MORN1: variants seen among roughly 807,000 people sequenced by gnomAD.
MORN1 encodes the protein MORN repeat-containing protein 1.
In MORN1, 67 loss-of-function variants were observed where a neutral mutation model predicts 61.9. The ratio of observed to expected loss-of-function variants is 1.08; its 90% CI spans 0.89 to 1.33. The LOEUF (loss-of-function observed/expected upper bound fraction) is 1.33, where lower values mean the gene tolerates loss of function less well. MORN1 is among the 40% of genes most tolerant of loss of function. The pLI is 0.00. For missense variants in MORN1, 752 were observed against 691.2 expected (o/e 1.09, Z -0.99); for synonymous variants, 301 against 292.0 (o/e 1.03, Z -0.31).
intron 13 of MORN1, chr1:2,322,289 G>T (rs1010823400): frequency 2.2e-5 from 22 of 985,336 alleles, no homozygotes; most frequent in African/African-American, 1.6e-4. Flanking sequence ...GCCTGCCGGG[G>T]CTGGCACCGG....
At chr1:2,351,854 G>A (rs532859520) in intron 10 of MORN1, 43 of 508,030 alleles carry the variant, frequency 8.5e-5, no homozygotes, top group Middle Eastern at 8.6e-4. Context: ...TCTTGCCCAC[G>A]GTCACGACTG....
chr1:2,331,906 C>T (rs1051288585), intron 12 of MORN1, among the ~76,000 whole-genome samples: 2 of 120,968 alleles, frequency 1.7e-5, no homozygotes, highest in African/African-American at 3.3e-5. Flanking sequence ...CTCCCTCGTG[C>T]GCCTCTCCCG....
chr1:2,377,327 C>G (rs546850698), intron 6 of MORN1: 2 of 152,304 alleles, frequency 1.3e-5, no homozygotes, highest in Non-Finnish European at 2.9e-5. Flanking sequence ...CCCCCTCGGT[C>G]ACAAAGGCGA....
Position 2,322,065 on chromosome 1 carries a change from G to A in MORN1, c.1298-486C>T, listed in dbSNP as rs1213584334. On this transcript the variant is annotated intron_variant, in intron 13 of 13. Transcript: ENST00000378531. ...GTGTCTGGTTTGCTTTTGAAGCCCC[G>A]CCCTGGCCCCTTCCCCACACCCGCG... 5.1e-6 allele frequency: 5 copies of A among 985,202 alleles called. No individual in the cohort carries two copies. In the African/African-American group the frequency reaches 7.0e-5, roughly 14 times the overall value. The allele number at this position is 985,202 out of a possible 1,614,324, so 61.0% of individuals were successfully genotyped here.
At chr1:2,378,912 T>C (rs764315182) in intron 6 of MORN1, 11 of 456,702 alleles carry the variant, frequency 2.4e-5, no homozygotes, top group Admixed American at 9.4e-5. Flanking sequence ...GCCGCGTGGC[T>C]CCTGTCCCTG....
intron 8 of MORN1, among the ~76,000 whole-genome samples, chr1:2,361,630 A>G (rs78147580): frequency 0.063 from 9,557 of 152,210 alleles, 1,007 homozygotes; most frequent in African/African-American, 0.22. Flanking sequence ...ATTATAATGT[A>G]TGAGATAAAA....
At chr1:2,355,364 C>G in intron 10 of MORN1, 1 of 1,533,894 alleles carries the variant, frequency 6.5e-7, no homozygotes. Flanking sequence ...ACCTGGGATG[C>G]CTGCATGCTC....
At chr1:2,362,167 G>A (rs1190532268) in intron 8 of MORN1, among the ~76,000 whole-genome samples, 1 of 152,222 alleles carries the variant, frequency 6.6e-6, no homozygotes, top group Non-Finnish European at 1.5e-5. Context: ...GGGAGGTGGA[G>A]GTTGCAATGA....
intron 10 of MORN1, chr1:2,352,175 T>C (rs945250409): frequency 1.1e-5 from 3 of 262,426 alleles, no homozygotes; most frequent in Non-Finnish European, 2.2e-5. Flanking sequence ...TAATAATAAA[T>C]GTATAGAGCA....
At position 2,337,701 on chromosome 1, in the gene MORN1, G is replaced by A. The variant is rs1204253896; in HGVS notation, c.1037-851C>T. ...AGCAGCTCGGAGCTGTCCTGACACC[G>A]CTGCCCCGAGGGCCCCCCACTTGCA... On this transcript the variant is annotated intron_variant, in intron 10 of 13. Transcript: ENST00000378531. The surrounding 1 kb of genome is among the most constrained non-coding windows in gnomAD (Gnocchi z 5.7). Among the ~76,000 whole-genome samples, 1 of 152,174 alleles carries A rather than the reference G, an allele frequency of 6.6e-6. No individual in the cohort carries two copies. Among genetic ancestry groups the A allele is most frequent in the African/African-American group, 2.4e-5 (1 of 41,430 alleles).
intron 6 of MORN1, chr1:2,378,916 G>A (rs1378390723): frequency 2.2e-6 from 1 of 457,042 alleles, no homozygotes; most frequent in Admixed American, 2.3e-5. Context: ...CGTGGCTCCT[G>A]TCCCTGTGGA....
intron 13 of MORN1, chr1:2,322,754 C>T (rs919919965): frequency 1.0e-6 from 1 of 985,460 alleles, no homozygotes; most frequent in Non-Finnish European, 1.2e-6. Context: ...CCAGTGGTGG[C>T]CAAGGCGCTG....
intron 10 of MORN1, among the ~76,000 whole-genome samples, chr1:2,347,617 G>A (rs1444216848): frequency 6.6e-6 from 1 of 152,168 alleles, no homozygotes; most frequent in African/African-American, 2.4e-5. Context: ...CCATAGTCTC[G>A]GTGCAGGGGG....
chr1:2,325,102 C>T (rs1188594127), intron 12 of MORN1, among the ~76,000 whole-genome samples: 3 of 66,396 alleles, frequency 4.5e-5, no homozygotes, highest in African/African-American at 7.7e-5. Flanking sequence ...TCTTTCTCTC[C>T]CCTTTCCTTC....
At position 2,340,478 on chromosome 1, in the gene MORN1, C is replaced by A. The variant is rs539495748; in HGVS notation, c.1037-3628G>T. ...ACCCCTCCACCCACACAAGTCTCCC[C>A]AAACTTCTCGGATCCTCCTTGTGGG... On this transcript the variant is annotated intron_variant, in intron 10 of 13. Coordinates refer to ENST00000378531, the MANE Select transcript of MORN1 (RefSeq NM_024848.3). Among the ~76,000 whole-genome samples, 6 of 152,292 alleles carry A rather than the reference C, an allele frequency of 3.9e-5. No homozygotes were observed. In the East Asian group the frequency reaches 1.2e-3, roughly 29 times the overall value.
At chr1:2,374,748 A>C in intron 6 of MORN1, 191 bp from the exon 7 acceptor site, 1 of 554,826 alleles carries the variant, frequency 1.8e-6, no homozygotes, top group Non-Finnish European at 3.2e-6. Context: ...AATGCAATCC[A>C]ATTTGCTTTG....
intron 13 of MORN1, chr1:2,323,717 C>T (rs561065062): frequency 6.5e-5 from 64 of 985,256 alleles, no homozygotes; most frequent in East Asian, 1.1e-4. Flanking sequence ...TGCAGCCGGC[C>T]TTGCTGGGGA....
chr1:2,352,009 C>T (rs961345778), intron 10 of MORN1: 9 of 527,188 alleles, frequency 1.7e-5, no homozygotes, highest in Middle Eastern at 3.1e-4. Context: ...CCCCCTCCAC[C>T]AGGAATTAGA....
chr1:2,372,495 C>T lies in MORN1; in HGVS notation c.731G>A (p.Gly244Glu). 2 of 1,613,346 alleles carry T rather than the reference C, an allele frequency of 1.2e-6. No homozygotes were observed. Among genetic ancestry groups the T allele is most frequent in the East Asian group, 2.2e-5 (1 of 44,874 alleles). Residue 244 changes from glycine to glutamate, a missense_variant, in exon 8 of 14, where the codon GGG (glycine) becomes GAG (glutamate). Transcript: ENST00000378531. This position sits in a 1 kb window ranked among gnomAD's most constrained non-coding sequence, Gnocchi z 5.4. ...SVNVQLLQDH[G>E]EIAKSESGRV... ...GAGATGCTTACTCTTGGCAATTTCC[C>T]CGTGGTCCTGCAGCAGCTGAACGTT... is the stretch of plus-strand genomic sequence containing the variant.
Sources: allele counts gnomAD v4.1 joint callset (sites outside exome capture counted in the v4.1 genomes callset), GRCh38; gene constraint gnomAD v4.1.1; non-coding constraint Gnocchi (gnomAD v3.1); transcripts MANE v1.5; gene names NCBI Gene and HGNC (gene_info 2026-07-23, HGNC 2026-07-21).